The following EIF4E3 variants were observed in gnomAD, a reference collection of about 807,000 sequenced individuals.
EIF4E3 encodes the protein eukaryotic translation initiation factor 4E family member 3, also known as eukaryotic translation initiation factor 4E type 3.
In EIF4E3, 26 loss-of-function variants were observed where a neutral mutation model predicts 31.7. That is an observed-to-expected ratio of 0.82 (90% CI 0.60 to 1.14). The LOEUF (loss-of-function observed/expected upper bound fraction) is 1.14, where lower values mean the gene tolerates loss of function less well. Among genes scored for constraint, EIF4E3 ranks in the 50% most tolerant of loss-of-function variants. EIF4E3 has a pLI of 0.00. For synonymous variants in EIF4E3, 128 were observed against 107.7 expected (o/e 1.19, Z -1.17); for missense variants, 304 against 270.9 (o/e 1.12, Z -0.86).
downstream of EIF4E3, among the ~76,000 whole-genome samples, chr3:71,674,821 C>G (rs1391208277): frequency 6.6e-6 from 1 of 152,226 alleles, no homozygotes; most frequent in Non-Finnish European, 1.5e-5. Context: ...TCATATGTTA[C>G]TGGCTTTGAA....
chr3:71,717,351 A>T (rs1177953296), intron 1 of EIF4E3, among the ~76,000 whole-genome samples: 2 of 152,240 alleles, frequency 1.3e-5, no homozygotes, highest in African/African-American at 4.8e-5. Context: ...CAGCATCACA[A>T]GACAAATGTA....
At chr3:71,737,735 G>A (rs1168670825) in intron 1 of EIF4E3, among the ~76,000 whole-genome samples, 1 of 152,084 alleles carries the variant, frequency 6.6e-6, no homozygotes, top group Admixed American at 6.6e-5. Context: ...AGACCGGCCT[G>A]GGTAGCATAG....
chr3:71,697,550 C>T (rs1266821794), intron 3 of EIF4E3, among the ~76,000 whole-genome samples: 2 of 152,086 alleles, frequency 1.3e-5, no homozygotes, highest in Non-Finnish European at 2.9e-5. Context: ...TTAACCATCC[C>T]CTGTTTATCA....
chr3:71,720,533 C>A (rs2049531433), intron 1 of EIF4E3, among the ~76,000 whole-genome samples: 1 of 152,166 alleles, frequency 6.6e-6, no homozygotes, highest in Non-Finnish European at 1.5e-5. Flanking sequence ...ACCACACCAC[C>A]ACCTCTCAAA....
intron 1 of EIF4E3, among the ~76,000 whole-genome samples, chr3:71,714,353 AAAAG>A (rs1237263576): frequency 6.6e-6 from 1 of 152,150 alleles, no homozygotes; most frequent in Non-Finnish European, 1.5e-5. Flanking sequence ...AGGAAGGACA[AAAAG>A]AAAGGAGATA....
upstream of EIF4E3, chr3:71,754,182 C>T (rs1412391892): frequency 2.1e-6 from 3 of 1,440,684 alleles, no homozygotes; most frequent in East Asian, 3.1e-5. This position sits in a 1 kb window ranked among gnomAD's most constrained non-coding sequence, Gnocchi z 5.8. Context: ...GCTGATCGTG[C>T]GGGAGCGCAG....
chr3:71,660,515 G>A, the EIF4E3 span, among the ~76,000 whole-genome samples: 994 of 152,208 alleles, frequency 6.5e-3, 13 homozygotes, highest in African/African-American at 0.022. Context: ...GAGAGAGAGC[G>A]ACATCTGAAT....
intron 6 of EIF4E3, 23 bp from the exon 7 acceptor site, chr3:71,684,751 A>G (rs199847532): frequency 6.2e-7 from 1 of 1,612,192 alleles, no homozygotes; most frequent in African/African-American, 1.3e-5. Context: ...AAAAAAACAA[A>G]AAAGAAAAAA....
chr3:71,665,741 A>G, the EIF4E3 span, among the ~76,000 whole-genome samples: 787 of 152,292 alleles, frequency 5.2e-3, 12 homozygotes, highest in African/African-American at 0.018. Context: ...AATGGAAATC[A>G]TAACAGTCTC....
the EIF4E3 span, among the ~76,000 whole-genome samples, chr3:71,664,618 C>A: frequency 5.7e-3 from 864 of 152,288 alleles, 10 homozygotes; most frequent in African/African-American, 0.019. Context: ...AAACTCATGC[C>A]TGTAATCCCA....
At chr3:71,745,358 A>G (rs2049860928) in intron 1 of EIF4E3, among the ~76,000 whole-genome samples, 1 of 152,224 alleles carries the variant, frequency 6.6e-6, no homozygotes, top group Admixed American at 6.5e-5. Context: ...TAATAGGTAA[A>G]CTAGCAATTC....
At chr3:71,703,058 T>A (rs2108057024) in intron 2 of EIF4E3, among the ~76,000 whole-genome samples, 1 of 152,342 alleles carries the variant, frequency 6.6e-6, no homozygotes, top group African/African-American at 2.4e-5. Context: ...AAGATTGCAG[T>A]AAAAGTAAAA....
At position 71,683,459 on chromosome 3, in the gene EIF4E3, GA is replaced by G. The variant is rs2048948385; in HGVS notation, c.*1222del. 6.6e-6 allele frequency: 1 copy of G among 152,248 alleles called. No individual in the cohort carries two copies. The highest frequency in any genetic ancestry group is 2.4e-5 in the African/African-American group (1 of 41,462). 9.4% of individuals were successfully genotyped at this position (152,248 alleles called of 1,614,324 possible). On this transcript the variant is annotated 3_prime_UTR_variant, in exon 7 of 7. Coordinates refer to ENST00000425534, the MANE Select transcript of EIF4E3 (RefSeq NM_001134651.2). ...AGCCAAAGGCTTGGCAAAGTCAGGA[GA>G]GGGAAATCAGCGTATTCTGAGCTAG...
At chr3:71,720,759 C>T (rs187858138) in intron 1 of EIF4E3, among the ~76,000 whole-genome samples, 3 of 152,198 alleles carry the variant, frequency 2.0e-5, no homozygotes, top group African/African-American at 7.2e-5. Flanking sequence ...TGGAAAGGGG[C>T]AGAGCTTGGG....
intron 6 of EIF4E3, 72 bp downstream of exon 6, chr3:71,689,938 G>A: frequency 2.2e-6 from 3 of 1,338,622 alleles, no homozygotes. Flanking sequence ...CACCACATTT[G>A]CAAAACAGTT....
At chr3:71,704,418 G>A (rs1412231269) in intron 2 of EIF4E3, among the ~76,000 whole-genome samples, 2 of 152,252 alleles carry the variant, frequency 1.3e-5, no homozygotes, top group African/African-American at 4.8e-5. Context: ...CTACAGCGCT[G>A]AGCAACATGG....
Position 71,692,351 on chromosome 3 carries a change from C to T in EIF4E3, c.472+1524G>A, listed in dbSNP as rs548006649. ...TAATAGTTAATGGTGCGCTCATGTCCCAAGTCAACCACAAAACAATTGGTC... is the reference window on the plus strand; with the variant it reads ...TAATAGTTAATGGTGCGCTCATGTCTCAAGTCAACCACAAAACAATTGGTC... On this transcript the variant is annotated intron_variant, in intron 5 of 6. Transcript: ENST00000425534. Among the ~76,000 whole-genome samples the T allele has an allele frequency of 3.3e-5, 5 of 152,230 alleles. No individual in the cohort carries two copies. The South Asian group carries it at 1.0e-3, about 32-fold the overall frequency.
chr3:71,674,090 CTTTTT>C (rs71277509), downstream of EIF4E3, among the ~76,000 whole-genome samples: 303 of 25,028 alleles, frequency 0.012, 3 homozygotes, highest in Admixed American at 0.036. Context: ...ATCAACTGTA[CTTTTT>C]TTTTTTTTTT....
chr3:71,688,713 A>C (rs1207919129), intron 6 of EIF4E3, among the ~76,000 whole-genome samples: 2 of 152,248 alleles, frequency 1.3e-5, no homozygotes, highest in Non-Finnish European at 2.9e-5. Context: ...ATGACCTTTC[A>C]ATTAATATCT....
Sources: gnomAD v4.1 joint callset for allele counts (sites outside exome capture counted in the v4.1 genomes callset) on GRCh38, gnomAD v4.1.1 for gene constraint, Gnocchi (gnomAD v3.1) non-coding constraint, MANE v1.5 for transcripts, NCBI Gene and HGNC (gene_info 2026-07-23, HGNC 2026-07-21) for gene names.